The following CYP2C19 variants were observed in gnomAD, a reference collection of about 807,000 sequenced individuals.
CYP2C19 encodes the protein cytochrome P450 family 2 subfamily C member 19.
In CYP2C19, 59 loss-of-function variants were observed where a neutral mutation model predicts 40.9. That is an observed-to-expected ratio of 1.44 (90% CI 1.17 to 1.79). CYP2C19 has a LOEUF of 1.79. Among genes scored for constraint, CYP2C19 ranks in the 40% most tolerant of loss-of-function variants. The probability of loss-of-function intolerance (pLI) is 0.00; values close to 1 mark genes in which losing one functional copy is unlikely to be tolerated. For missense variants in CYP2C19, 754 were observed against 596.9 expected, an observed-to-expected ratio of 1.26 and a Z score of -2.74; for synonymous variants, 253 against 208.7, an observed-to-expected ratio of 1.21 and a Z score of -1.83.
At chr10:94,775,586 T>G (rs1848397292) in intron 3 of CYP2C19, 47 bp downstream of exon 3, 1 of 1,613,640 alleles carries the variant, frequency 6.2e-7, no homozygotes, top group Non-Finnish European at 8.5e-7. Flanking sequence ...ACTGCTCTCC[T>G]CTCTACTGAC....
At chr10:94,782,719 A>T (rs965293221) in intron 5 of CYP2C19, among the ~76,000 whole-genome samples, 2 of 152,186 alleles carry the variant, frequency 1.3e-5, no homozygotes, top group African/African-American at 4.8e-5. Flanking sequence ...CCAAATGTAC[A>T]TCAATGACAG....
At chr10:94,852,088 G>A (rs1195576513) in intron 8 of CYP2C19, among the ~76,000 whole-genome samples, 1 of 152,148 alleles carries the variant, frequency 6.6e-6, no homozygotes, top group African/African-American at 2.4e-5. Flanking sequence ...GACTGATGAT[G>A]AGTGGCTATG....
chr10:94,854,487 T>C lies in CYP2C19; in HGVS notation c.*1573T>C, dbSNP rs1409958557. On this transcript the variant is annotated 3_prime_UTR_variant, in exon 9 of 9. Coordinates refer to ENST00000371321, the MANE Select transcript of CYP2C19 (RefSeq NM_000769.4). ...ACTAAGTATCTTATGTTAAATTATG[T>C]TCACCACTCTTCCTGTCTTCTACTT... Among the ~76,000 whole-genome samples, 1 of 151,982 alleles carries C rather than the reference T, an allele frequency of 6.6e-6. No homozygotes were observed. The highest frequency in any genetic ancestry group is 2.4e-5 in the African/African-American group (1 of 41,392).
At chr10:94,778,458 G>C (rs1237948676) in intron 3 of CYP2C19, among the ~76,000 whole-genome samples, 1 of 152,132 alleles carries the variant, frequency 6.6e-6, no homozygotes, top group Non-Finnish European at 1.5e-5. Context: ...AGTAGGTGAA[G>C]GATATCAACA....
In CYP2C19 at chr10:94,852,516, T is replaced by G. The variant is rs1482528177; in HGVS notation, c.1292-217T>G. On this transcript the variant is annotated intron_variant, in intron 8 of 8. Transcript: ENST00000371321. ...GGTGAAGAGTAAGCATGTCCATTCA[T>G]TGTTTAGTTGCCTATCCATCCATTC... 2.0e-5 allele frequency among the ~76,000 whole-genome samples: 3 copies of G among 152,320 alleles called. No homozygotes were observed. The East Asian group carries it at 5.8e-4, about 29-fold the overall frequency.
intron 8 of CYP2C19, among the ~76,000 whole-genome samples, chr10:94,850,854 A>G (rs1438510241): frequency 6.6e-6 from 1 of 152,202 alleles, no homozygotes; most frequent in Non-Finnish European, 1.5e-5. Context: ...CTCTGCAGTG[A>G]TGCAGAGCAC....
At chr10:94,849,716 G>A (rs17882222) in intron 7 of CYP2C19, among the ~76,000 whole-genome samples, 4,733 of 146,590 alleles carry the variant, frequency 0.032, 122 homozygotes, top group Middle Eastern at 0.14. Context: ...CTGATTGTGG[G>A]CATTTTAGCA....
At chr10:94,812,394 G>C (rs1386381812) in intron 5 of CYP2C19, among the ~76,000 whole-genome samples, 2 of 151,586 alleles carry the variant, frequency 1.3e-5, no homozygotes, top group African/African-American at 4.8e-5. Context: ...GGTGTTTTCT[G>C]TATTTCCTGA....
chr10:94,786,803 C>A (rs974125252), intron 5 of CYP2C19, among the ~76,000 whole-genome samples: 19 of 152,084 alleles, frequency 1.2e-4, no homozygotes, highest in Non-Finnish European at 5.9e-5. Context: ...TCTCTCAAGA[C>A]AATGGCCTCC....
intron 5 of CYP2C19, among the ~76,000 whole-genome samples, chr10:94,797,957 AT>A (rs1848711319): frequency 1.3e-5 from 2 of 151,714 alleles, no homozygotes; most frequent in Admixed American, 1.3e-4. Flanking sequence ...GGATTCATTG[AT>A]TTTTTTAAAG....
chr10:94,797,627 T>A (rs537460375), intron 5 of CYP2C19, among the ~76,000 whole-genome samples: 1 of 152,110 alleles, frequency 6.6e-6, no homozygotes, highest in Non-Finnish European at 1.5e-5. Flanking sequence ...CTGAACTTTT[T>A]TTTTGGTTGG....
chr10:94,826,499 C>T (rs1287338207), intron 6 of CYP2C19, among the ~76,000 whole-genome samples: 1 of 152,108 alleles, frequency 6.6e-6, no homozygotes, highest in Non-Finnish European at 1.5e-5. Context: ...GATTTTTGTA[C>T]ATTGATTTTG....
At chr10:94,829,157 T>G (rs1344628791) in intron 6 of CYP2C19, among the ~76,000 whole-genome samples, 1 of 152,156 alleles carries the variant, frequency 6.6e-6, no homozygotes, top group African/African-American at 2.4e-5. Flanking sequence ...GTTGCTCTTC[T>G]TGAGGAGTAT....
chr10:94,816,332 G>C (rs1336679737), intron 5 of CYP2C19, among the ~76,000 whole-genome samples: 1 of 150,486 alleles, frequency 6.6e-6, no homozygotes, highest in Admixed American at 6.6e-5. Context: ...AAACAAAGTA[G>C]CCGGTATAAT....
chr10:94,788,617 T>C (rs1182677561), intron 5 of CYP2C19, among the ~76,000 whole-genome samples: 1 of 152,110 alleles, frequency 6.6e-6, no homozygotes, highest in African/African-American at 2.4e-5. Context: ...TCTGTTCTTG[T>C]GTTAGTTTGC....
intron 1 of CYP2C19, among the ~76,000 whole-genome samples, chr10:94,765,070 A>G (rs1454475423): frequency 2.0e-5 from 3 of 152,134 alleles, no homozygotes; most frequent in Non-Finnish European, 4.4e-5. Context: ...ACTGTTGCCA[A>G]AGAGTCTATT....
At chr10:94,770,116 A>G (rs1848306839) in intron 1 of CYP2C19, among the ~76,000 whole-genome samples, 1 of 152,254 alleles carries the variant, frequency 6.6e-6, no homozygotes, top group East Asian at 1.9e-4. Context: ...TCCAGGAGGA[A>G]GTCAATTTCC....
At chr10:94,777,646 TTAAC>T (rs1310188607) in intron 3 of CYP2C19, among the ~76,000 whole-genome samples, 1 of 152,088 alleles carries the variant, frequency 6.6e-6, no homozygotes, top group Non-Finnish European at 1.5e-5. Flanking sequence ...TATAAAAAAA[TTAAC>T]TCAAGATGGA....
chr10:94,820,632 T>C lies in CYP2C19; in HGVS notation c.956T>C (p.Val319Ala), dbSNP rs764143142. Residue 319 changes from valine to alanine, a missense_variant, in exon 6 of 9, where the codon GTC becomes GCC. Physicochemically the swap from Val to Ala is moderately conservative, Grantham distance 64. Coordinates refer to ENST00000371321, the MANE Select transcript of CYP2C19 (RefSeq NM_000769.4). ...ALLLLLKHPEVTAKVQEEIER... is the reference protein window; with the variant it reads ...ALLLLLKHPEATAKVQEEIER... ...CTTCTCCTGCTGAAGCACCCAGAGG[T>C]CACAGGTATGATCACAGAGGATGAG... 1.2e-6 allele frequency: 2 copies of C among 1,614,052 alleles called. No homozygotes were observed. The highest frequency in any genetic ancestry group is 1.7e-6 in the Non-Finnish European group (2 of 1,179,982).
Sources: gnomAD v4.1 joint callset for allele counts (sites outside exome capture counted in the v4.1 genomes callset) on GRCh38, gnomAD v4.1.1 for gene constraint, MANE v1.5 for transcripts, NCBI Gene and HGNC (gene_info 2026-07-23, HGNC 2026-07-21) for gene names.